ABLIM1: variants seen among roughly 807,000 people sequenced by gnomAD.
ABLIM1 encodes actin-binding LIM protein 1.
A neutral mutation model predicts 107.0 loss-of-function variants in ABLIM1; 40 were observed. The observed-to-expected ratio is 0.37, with a 90% CI of 0.29 to 0.49. The LOEUF (loss-of-function observed/expected upper bound fraction) is 0.49. Ranked by LOEUF, ABLIM1 falls within the 20% of genes least tolerant of loss-of-function variation. ABLIM1 has a pLI of 0.97. For synonymous variants in ABLIM1, 357 were observed against 357.3 expected (o/e 1.00, Z 0.01); for missense variants, 857 against 1,008.5 (o/e 0.85, Z 2.04).
chr10:114,566,467 T>C (rs1248049512), intron 4 of ABLIM1, among the ~76,000 whole-genome samples: 2 of 152,186 alleles, frequency 1.3e-5, no homozygotes, highest in African/African-American at 2.4e-5. Context: ...CCATTATTGG[T>C]AAATACATGA....
At chr10:114,456,108 C>T (rs1022160183) in intron 12 of ABLIM1, among the ~76,000 whole-genome samples, 1 of 152,278 alleles carries the variant, frequency 6.6e-6, no homozygotes, top group African/African-American at 2.4e-5. Context: ...GCCACCGCAC[C>T]CGGCTGGAAA....
chr10:114,650,265 C>A (rs1006793724), intron 1 of ABLIM1, among the ~76,000 whole-genome samples: 16 of 152,208 alleles, frequency 1.1e-4, no homozygotes, highest in African/African-American at 3.9e-4. Flanking sequence ...TAATAATCAG[C>A]ACTGGGTCAT....
intron 1 of ABLIM1, among the ~76,000 whole-genome samples, chr10:114,706,610 TTC>T (rs1283318229): frequency 2.6e-5 from 4 of 152,176 alleles, no homozygotes; most frequent in Admixed American, 1.3e-4. Flanking sequence ...AACCACATAT[TTC>T]TCTCTCTCCA....
At chr10:114,587,784 T>C (rs1439078451) in intron 2 of ABLIM1, among the ~76,000 whole-genome samples, 1 of 152,122 alleles carries the variant, frequency 6.6e-6, no homozygotes, top group African/African-American at 2.4e-5. Context: ...GTTCAAATCT[T>C]GTTTCCTGCT....
At chr10:114,719,164 C>T (rs2081777933) in intron 1 of ABLIM1, among the ~76,000 whole-genome samples, 1 of 152,224 alleles carries the variant, frequency 6.6e-6, no homozygotes, top group Admixed American at 6.5e-5. Context: ...ATTGATCTCT[C>T]TGCCTTAAAT....
Position 114,714,612 on chromosome 10 carries a change from C to T in ABLIM1, c.-213+53449G>A, listed in dbSNP as rs531835018. ...GCTGTGCTATTCTTCAGCCTGTAAC[C>T]GGAGCAGGCAAACTCCACAGAGGAA... On this transcript the variant is annotated intron_variant, in intron 1 of 15. Transcript: ENST00000651092. Among the ~76,000 whole-genome samples the T allele has an allele frequency of 1.2e-4, 19 of 152,288 alleles. No homozygotes were observed. In the South Asian group the frequency reaches 2.5e-3, roughly 20 times the overall value.
chr10:114,533,466 G>T (rs1034585563), intron 6 of ABLIM1, among the ~76,000 whole-genome samples: 9 of 152,122 alleles, frequency 5.9e-5, no homozygotes, highest in African/African-American at 2.2e-4. Flanking sequence ...AAAGAAACAA[G>T]GTTGGCAAAA....
In ABLIM1 at chr10:114,435,397, G is replaced by A. The variant is rs1057143; in HGVS notation, c.*863C>T. On this transcript the variant is annotated 3_prime_UTR_variant, in exon 23 of 23. Transcript: ENST00000533213. ...TGGCCATGAATGATATGGCCCCTAT[G>A]CAAAATCACCTAATGGCATGCCACT... 45,158 of 151,744 alleles carry A rather than the reference G, an allele frequency of 0.3. 6,786 individuals carry two copies. Among genetic ancestry groups the A allele is most frequent in the Middle Eastern group, 0.35 (103 of 292 alleles). The allele number at this position is 151,744 out of a possible 1,614,324, so 9.4% of individuals were successfully genotyped here.
At chr10:114,581,475 G>A (rs1259252313) in intron 2 of ABLIM1, among the ~76,000 whole-genome samples, 1 of 152,060 alleles carries the variant, frequency 6.6e-6, no homozygotes, top group African/African-American at 2.4e-5. Flanking sequence ...TGGGTTTTGG[G>A]GGCAAAATGT....
the ABLIM1 span, among the ~76,000 whole-genome samples, chr10:114,775,385 G>A: frequency 1.3e-5 from 2 of 152,310 alleles, no homozygotes; most frequent in East Asian, 3.9e-4. Flanking sequence ...GAATATTTGA[G>A]GGATCAGGAG....
At chr10:114,529,306 G>A (rs1311471804) in intron 6 of ABLIM1, among the ~76,000 whole-genome samples, 1 of 151,976 alleles carries the variant, frequency 6.6e-6, no homozygotes, top group African/African-American at 2.4e-5. Flanking sequence ...TGTATTTTTA[G>A]TAGAGATGGG....
At chr10:114,603,965 A>G (rs1434266554) in intron 1 of ABLIM1, among the ~76,000 whole-genome samples, 1 of 152,034 alleles carries the variant, frequency 6.6e-6, no homozygotes, top group Non-Finnish European at 1.5e-5. Flanking sequence ...AAAAAAAAAA[A>G]AAAAAAAAGT....
chr10:114,614,669 C>T (rs565278876), intron 1 of ABLIM1, among the ~76,000 whole-genome samples: 1 of 152,212 alleles, frequency 6.6e-6, no homozygotes, highest in East Asian at 1.9e-4. Flanking sequence ...AGAGATTTGC[C>T]GGAAAATTAG....
chr10:114,507,196 T>A (rs1398404025), intron 6 of ABLIM1, among the ~76,000 whole-genome samples: 1 of 152,166 alleles, frequency 6.6e-6, no homozygotes, highest in Non-Finnish European at 1.5e-5. Context: ...CTGGACTTCA[T>A]CTCCTTTAAT....
chr10:114,709,779 GT>G (rs2141937122), intron 1 of ABLIM1, among the ~76,000 whole-genome samples: 1 of 152,212 alleles, frequency 6.6e-6, no homozygotes, highest in East Asian at 1.9e-4. Context: ...CTGCTTGTTA[GT>G]TTTCTGTATT....
At chr10:114,678,916 T>C (rs967599717) in intron 1 of ABLIM1, among the ~76,000 whole-genome samples, 25 of 152,222 alleles carry the variant, frequency 1.6e-4, no homozygotes, top group Non-Finnish European at 2.9e-4. Context: ...ATACCACTGG[T>C]ACTGCATAGA....
At chr10:114,713,647 CT>C (rs1239400404) in intron 1 of ABLIM1, among the ~76,000 whole-genome samples, 1 of 152,158 alleles carries the variant, frequency 6.6e-6, no homozygotes, top group Non-Finnish European at 1.5e-5. Flanking sequence ...CACTAAAGAA[CT>C]TTCAGGGAGT....
chr10:114,654,617 C>T (rs1382567795), intron 1 of ABLIM1, among the ~76,000 whole-genome samples: 1 of 152,134 alleles, frequency 6.6e-6, no homozygotes, highest in Non-Finnish European at 1.5e-5. Flanking sequence ...CAGCCAGGTT[C>T]TCATTTAGTT....
intron 6 of ABLIM1, among the ~76,000 whole-genome samples, chr10:114,516,092 A>G (rs1214164739): frequency 6.8e-6 from 1 of 146,648 alleles, no homozygotes; most frequent in Non-Finnish European, 1.5e-5. Context: ...AGCAGGTATC[A>G]ATTTTAAACA....
Sources: gnomAD v4.1 joint callset for allele counts (sites outside exome capture counted in the v4.1 genomes callset) on GRCh38, gnomAD v4.1.1 for gene constraint, MANE v1.5 for transcripts, NCBI Gene and HGNC (gene_info 2026-07-23, HGNC 2026-07-21) for gene names.